Variants in COMMD1 observed in about 807,000 individuals in gnomAD.
The protein encoded by COMMD1 is copper metabolism domain containing 1.
A neutral mutation model predicts 17.2 loss-of-function variants in COMMD1; 10 were observed. That is an observed-to-expected ratio of 0.58 (90% CI 0.36 to 0.99). The LOEUF is 0.99. Among genes scored for constraint, COMMD1 ranks in the 50% least tolerant of loss-of-function variants. COMMD1 has a pLI of 0.01. For synonymous variants in COMMD1, 97 were observed against 91.6 expected (o/e 1.06, Z -0.34); for missense variants, 270 against 231.8 (o/e 1.17, Z -1.07).
At chr2:62,066,326 C>A (rs1051042574) in intron 2 of COMMD1, among the ~76,000 whole-genome samples, 1 of 151,376 alleles carries the variant, frequency 6.6e-6, no homozygotes, top group Non-Finnish European at 1.5e-5. Context: ...GAGAAGAGGG[C>A]AAAGTGATAA....
chr2:61,957,770 C>G (rs754844343), intron 1 of COMMD1, among the ~76,000 whole-genome samples: 3 of 152,126 alleles, frequency 2.0e-5, no homozygotes, highest in African/African-American at 7.2e-5. Flanking sequence ...ATTGTTAAAT[C>G]CATTCTCTAA....
intron 2 of COMMD1, among the ~76,000 whole-genome samples, chr2:62,089,884 C>G (rs200623606): frequency 6.6e-6 from 1 of 151,390 alleles, no homozygotes; most frequent in Admixed American, 6.6e-5. Flanking sequence ...GGTCCCACAG[C>G]GCTAAGAAGG....
intron 1 of COMMD1, among the ~76,000 whole-genome samples, chr2:61,929,109 G>A (rs1558524922): frequency 6.6e-6 from 1 of 152,198 alleles, no homozygotes; most frequent in Non-Finnish European, 1.5e-5. Flanking sequence ...CCCTTACTGG[G>A]CAAGTGTTCT....
At chr2:61,993,838 G>T (rs1252929810) in intron 1 of COMMD1, among the ~76,000 whole-genome samples, 3 of 152,056 alleles carry the variant, frequency 2.0e-5, no homozygotes, top group African/African-American at 7.2e-5. Context: ...ATATCAGAAT[G>T]GATATCTCTT....
At chr2:61,999,906 A>C (rs1558555516) in intron 1 of COMMD1, among the ~76,000 whole-genome samples, 1 of 150,634 alleles carries the variant, frequency 6.6e-6, no homozygotes, top group Non-Finnish European at 1.5e-5. Context: ...TATTCTCATT[A>C]CTGTCTGCCC....
chr2:62,013,463 C>G (rs1385196796), intron 2 of COMMD1, among the ~76,000 whole-genome samples: 1 of 152,126 alleles, frequency 6.6e-6, no homozygotes, highest in Non-Finnish European at 1.5e-5. Flanking sequence ...CCTTTAAAAA[C>G]TTTTTTTATT....
intron 2 of COMMD1, among the ~76,000 whole-genome samples, chr2:62,088,937 G>A (rs1671747069): frequency 6.6e-6 from 1 of 152,214 alleles, no homozygotes; most frequent in Non-Finnish European, 1.5e-5. Flanking sequence ...ACAACTCAAA[G>A]AGGGGGAGAA....
intron 1 of COMMD1, among the ~76,000 whole-genome samples, chr2:61,962,687 T>G (rs1053042947): frequency 7.2e-5 from 11 of 152,192 alleles, no homozygotes; most frequent in African/African-American, 2.7e-4. Flanking sequence ...TGGGAACCCC[T>G]GAATCCCTGG....
chr2:62,095,890 T>G (rs1671994627), intron 2 of COMMD1, among the ~76,000 whole-genome samples: 1 of 143,920 alleles, frequency 6.9e-6, no homozygotes, highest in African/African-American at 2.6e-5. Flanking sequence ...TACACACAGG[T>G]ATATATAATC....
intron 2 of COMMD1, among the ~76,000 whole-genome samples, chr2:62,030,376 GA>G (rs1669880649): frequency 6.6e-6 from 1 of 152,124 alleles, no homozygotes; most frequent in Non-Finnish European, 1.5e-5. Context: ...GCAGAAGTCA[GA>G]AAAAAACTTA....
rs368133593 is a variant in COMMD1, at chr2:62,102,636, A to G, written c.463-33195A>G. ...GTCTCATTCTCCCCTAAGGCTAACC[A>G]TAGCAACTAGAATCCCTCTTCCCCA... On this transcript the variant is annotated intron_variant, in intron 2 of 2. Coordinates refer to ENST00000311832, the MANE Select transcript of COMMD1 (RefSeq NM_152516.4). Among the ~76,000 whole-genome samples, 16 of 152,174 alleles carry G rather than the reference A, an allele frequency of 1.1e-4. No individual in the cohort carries two copies. The East Asian group carries it at 2.9e-3, about 27-fold the overall frequency.
At chr2:61,922,581 GCTGGGATTA>G (rs1333146889) in intron 1 of COMMD1, among the ~76,000 whole-genome samples, 13 of 152,186 alleles carry the variant, frequency 8.5e-5, no homozygotes, top group Non-Finnish European at 1.6e-4. Context: ...CTCTTAAAGT[GCTGGGATTA>G]CAGGTGTGAG....
intron 2 of COMMD1, among the ~76,000 whole-genome samples, chr2:62,095,105 G>T (rs1417657300): frequency 6.6e-6 from 1 of 152,174 alleles, no homozygotes; most frequent in African/African-American, 2.4e-5. Context: ...TGCTTCTTCT[G>T]CAGTGTAGAG....
intron 1 of COMMD1, among the ~76,000 whole-genome samples, chr2:61,946,578 A>G (rs1452242967): frequency 1.3e-5 from 2 of 152,178 alleles, no homozygotes; most frequent in Non-Finnish European, 2.9e-5. Flanking sequence ...CAAGAAATTT[A>G]GTCCCTTGAG....
At chr2:61,972,216 C>A (rs772495845) in intron 1 of COMMD1, among the ~76,000 whole-genome samples, 2 of 152,034 alleles carry the variant, frequency 1.3e-5, no homozygotes, top group Non-Finnish European at 2.9e-5. Context: ...GTAGAAAATT[C>A]TCATTAAAGA....
intron 1 of COMMD1, among the ~76,000 whole-genome samples, chr2:61,967,496 T>G (rs1671536319): frequency 6.6e-6 from 1 of 152,204 alleles, no homozygotes; most frequent in South Asian, 2.1e-4. Context: ...GCCAAGGATG[T>G]TGAGCTCTTG....
intron 2 of COMMD1, among the ~76,000 whole-genome samples, chr2:62,048,404 A>G (rs11692539): frequency 0.018 from 2,732 of 151,686 alleles, 56 homozygotes; most frequent in African/African-American, 0.041. Context: ...TTGTCAGGAT[A>G]GTCTTGATCT....
intron 2 of COMMD1, among the ~76,000 whole-genome samples, chr2:62,092,952 C>T (rs771306093): frequency 1.6e-4 from 25 of 152,164 alleles, no homozygotes; most frequent in Admixed American, 1.6e-3. Context: ...GCTATTTGTC[C>T]GTTCCACCAA....
At chr2:62,131,315 C>G (rs1162786102) in intron 2 of COMMD1, among the ~76,000 whole-genome samples, 1 of 152,138 alleles carries the variant, frequency 6.6e-6, no homozygotes. Context: ...CATACTGCAT[C>G]CTTTACTGAA....
Sources: allele counts gnomAD v4.1 joint callset (sites outside exome capture counted in the v4.1 genomes callset), GRCh38; gene constraint gnomAD v4.1.1; transcripts MANE v1.5; gene names NCBI Gene and HGNC (gene_info 2026-07-23, HGNC 2026-07-21).